Variants in CYP4Z1 observed in about 807,000 individuals in gnomAD.
The protein encoded by CYP4Z1 is cytochrome P450 family 4 subfamily Z member 1, also known as cytochrome P450 4Z1.
In CYP4Z1, 41 loss-of-function variants were observed where a neutral mutation model predicts 54.2. That is an observed-to-expected ratio of 0.76 (90% CI 0.59 to 0.98). The LOEUF (loss-of-function observed/expected upper bound fraction) is 0.98, where lower values mean the gene tolerates loss of function less well. Ranked by LOEUF, CYP4Z1 falls within the 50% of genes least tolerant of loss-of-function variation. The probability of loss-of-function intolerance (pLI) is 0.00; values close to 1 mark genes in which losing one functional copy is unlikely to be tolerated. For missense variants in CYP4Z1, 513 were observed against 599.0 expected, an observed-to-expected ratio of 0.86 and a Z score of 1.50; for synonymous variants, 163 against 206.2, an observed-to-expected ratio of 0.79 and a Z score of 1.79.
At chr1:47,090,536 G>GAA (rs1281344276) in intron 6 of CYP4Z1, among the ~76,000 whole-genome samples, 10 of 152,316 alleles carry the variant, frequency 6.6e-5, no homozygotes, top group Non-Finnish European at 1.3e-4. Context: ...AAATCTCCCT[G>GAA]CAAATATGCG....
chr1:47,114,592 T>C, intron 9 of CYP4Z1, among the ~76,000 whole-genome samples: 1 of 150,950 alleles, frequency 6.6e-6, no homozygotes. Context: ...CTCAAACAAA[T>C]TTACAAGAAA....
At chr1:47,065,865 A>G (rs1228562350), upstream of CYP4Z1, among the ~76,000 whole-genome samples, 2 of 152,180 alleles carry the variant, frequency 1.3e-5, no homozygotes, top group South Asian at 2.1e-4. Flanking sequence ...CTGATACCAG[A>G]GAAATACAAA....
the CYP4Z1 span, among the ~76,000 whole-genome samples, chr1:47,057,327 G>GAAAAAAAAAAAAAAAAAAAAAAAA: frequency 5.5e-4 from 10 of 18,028 alleles, 2 homozygotes; most frequent in African/African-American, 1.7e-3. Context: ...TACTTCTTAA[G>GAAAAAAAAAAAAAAAAAAAAAAAA]AAAAAAAAAT....
chr1:47,109,624 A>C (rs1010053629), intron 9 of CYP4Z1, among the ~76,000 whole-genome samples: 26 of 152,182 alleles, frequency 1.7e-4, no homozygotes, highest in African/African-American at 6.3e-4. Context: ...GAGAGCAGTC[A>C]TTTTTTCTGG....
chr1:47,100,032 C>A (rs1451756404), intron 8 of CYP4Z1, among the ~76,000 whole-genome samples: 2 of 151,754 alleles, frequency 1.3e-5, no homozygotes, highest in Non-Finnish European at 1.5e-5. Flanking sequence ...TAATAACATT[C>A]ATTCTTTGTT....
chr1:47,100,220 C>T (rs1029920955), intron 8 of CYP4Z1, among the ~76,000 whole-genome samples: 4 of 152,018 alleles, frequency 2.6e-5, no homozygotes, highest in African/African-American at 4.8e-5. Context: ...TATGGAATTC[C>T]GTTATGTATA....
intron 6 of CYP4Z1, among the ~76,000 whole-genome samples, chr1:47,093,962 G>GAA (rs1350445811): frequency 6.6e-6 from 1 of 152,192 alleles, no homozygotes; most frequent in Non-Finnish European, 1.5e-5. Context: ...TACAAAGAGA[G>GAA]AAAGTTTGAT....
intron 9 of CYP4Z1, among the ~76,000 whole-genome samples, chr1:47,113,890 A>C (rs1285307859): frequency 2.0e-5 from 3 of 152,214 alleles, no homozygotes; most frequent in African/African-American, 7.2e-5. Flanking sequence ...TTATAGTTTC[A>C]ATGCCATCCC....
intron 9 of CYP4Z1, among the ~76,000 whole-genome samples, chr1:47,114,079 T>C (rs867614103): frequency 2.4e-4 from 36 of 151,984 alleles, no homozygotes; most frequent in Middle Eastern, 6.8e-3. Flanking sequence ...AACAGCATGG[T>C]ACTGGTACCA....
intron 8 of CYP4Z1, among the ~76,000 whole-genome samples, chr1:47,100,481 G>C (rs903462508): frequency 2.6e-5 from 4 of 152,158 alleles, no homozygotes; most frequent in African/African-American, 7.2e-5. Context: ...GTCCCATCCA[G>C]GATGTGAAGC....
chr1:47,099,329 A>G lies in CYP4Z1; in HGVS notation c.1067+45A>G, dbSNP rs370281243. The G allele has an allele frequency of 1.1e-3, 1,616 of 1,487,992 alleles. 1 individual carries two copies. The highest frequency in any genetic ancestry group is 1.3e-3 in the Non-Finnish European group (1,479 of 1,112,066). The allele number at this position is 1,487,992 out of a possible 1,614,324, so 92.2% of individuals were successfully genotyped here. Reference sequence around the variant, plus strand: ...TTCATCCTGAATTTTCCCCTTATACATTTGATTATTTCTCTCTTCCGGTAT... The same window carrying G: ...TTCATCCTGAATTTTCCCCTTATACGTTTGATTATTTCTCTCTTCCGGTAT... On this transcript the variant is annotated intron_variant, in intron 8 of 11. Coordinates refer to ENST00000334194, the MANE Select transcript of CYP4Z1 (RefSeq NM_178134.3).
intron 9 of CYP4Z1, among the ~76,000 whole-genome samples, chr1:47,108,236 C>G (rs1644770378): frequency 6.6e-6 from 1 of 152,132 alleles, no homozygotes; most frequent in Non-Finnish European, 1.5e-5. Context: ...CACAGGCACT[C>G]CACAACTTCA....
chr1:47,061,092 A>G, the CYP4Z1 span, among the ~76,000 whole-genome samples: 1 of 152,188 alleles, frequency 6.6e-6, no homozygotes, highest in East Asian at 1.9e-4. Flanking sequence ...CCACATCAAA[A>G]AGGTAAAAAG....
In CYP4Z1 at chr1:47,099,265, G is replaced by A; in HGVS notation, c.1048G>A (p.Asp350Asn). 6.2e-7 allele frequency: 1 copy of A among 1,610,540 alleles called. No homozygotes were observed. Among genetic ancestry groups the A allele is most frequent in the Non-Finnish European group, 8.5e-7 (1 of 1,178,872 alleles). ...AGATGAAATCAGGGAACTCCTAGGGGATGGGTCTTCTATTACCTGGTAAGA... is the reference window on the plus strand; with the variant it reads ...AGATGAAATCAGGGAACTCCTAGGGAATGGGTCTTCTATTACCTGGTAAGA... ...CRDEIRELLG[D>N]GSSITWEHLS... The change falls in exon 8 of 12, where the codon GAT becomes AAT. Residue 350 changes from aspartate to asparagine, a missense_variant. Asp to Asn is a conservative substitution (Grantham distance 23). Coordinates refer to ENST00000334194, the MANE Select transcript of CYP4Z1 (RefSeq NM_178134.3).
intron 6 of CYP4Z1, among the ~76,000 whole-genome samples, chr1:47,092,191 A>C (rs181164345): frequency 0.041 from 6,289 of 151,822 alleles, 310 homozygotes; most frequent in African/African-American, 0.12. Context: ...ACTCCTTCTT[A>C]AAATGCCACA....
chr1:47,101,517 C>G (rs1644721309), intron 8 of CYP4Z1, among the ~76,000 whole-genome samples: 1 of 152,014 alleles, frequency 6.6e-6, no homozygotes, highest in African/African-American at 2.4e-5. Context: ...AATTGTTGTT[C>G]AGGAGAATGT....
intron 9 of CYP4Z1, among the ~76,000 whole-genome samples, chr1:47,114,595 A>G (rs892021174): frequency 3.3e-5 from 5 of 150,558 alleles, no homozygotes; most frequent in South Asian, 2.2e-4. Context: ...AAACAAATTT[A>G]CAAGAAAAAA....
chr1:47,117,890 A>T lies in CYP4Z1; in HGVS notation c.1474A>T (p.Lys492Ter), dbSNP rs753610164. 7 of 1,613,614 alleles carry T rather than the reference A, an allele frequency of 4.3e-6. No homozygotes were observed. Among genetic ancestry groups the T allele is most frequent in the Non-Finnish European group, 5.9e-6 (7 of 1,179,750 alleles). ...PPQPVRQVVLKSKNGIHVFAK... is the reference protein window; with the variant it reads ...PPQPVRQVVL ...CCAGCCTGTTCGTCAAGTTGTCCTCAAGTCCAAGAATGGAATCCATGTGTT... is the reference window on the plus strand; with the variant it reads ...CCAGCCTGTTCGTCAAGTTGTCCTCTAGTCCAAGAATGGAATCCATGTGTT... The change falls in exon 12 of 12, where the codon AAG (lysine) becomes TAG (stop). Residue 492 changes from lysine (K) to a stop codon, truncating the protein, a stop_gained. Coordinates refer to ENST00000334194, the MANE Select transcript of CYP4Z1 (RefSeq NM_178134.3). LOFTEE classifies it high-confidence loss of function.
intron 6 of CYP4Z1, among the ~76,000 whole-genome samples, chr1:47,089,655 C>T (rs1172338048): frequency 6.6e-6 from 1 of 152,194 alleles, no homozygotes; most frequent in African/African-American, 2.4e-5. Context: ...ATATTTTAAA[C>T]CTTCTTGTAA....
Sources: gnomAD v4.1 joint callset for allele counts (sites outside exome capture counted in the v4.1 genomes callset) on GRCh38, gnomAD v4.1.1 for gene constraint, MANE v1.5 for transcripts, NCBI Gene and HGNC (gene_info 2026-07-23, HGNC 2026-07-21) for gene names.